Variants in MARF1 observed in about 807,000 individuals in gnomAD.
The protein encoded by MARF1 is meiosis regulator and mRNA stability factor 1, also known as limkain-b1.
Under a neutral mutation model 168.2 loss-of-function variants are expected in MARF1, and 24 were observed. That is an observed-to-expected ratio of 0.14 (90% CI 0.10 to 0.20). The LOEUF is 0.20. MARF1 is among the 10% of genes least tolerant of loss of function. The pLI, the probability that MARF1 is intolerant of heterozygous loss-of-function variation, is 1.00. For synonymous variants in MARF1, 868 were observed against 822.4 expected (o/e 1.06, Z -0.95); for missense variants, 1,744 against 2,143.6 (o/e 0.81, Z 3.68).
chr16:15,601,149 C>A, intron 23 of MARF1: 1 of 456,226 alleles, frequency 2.2e-6, no homozygotes. Context: ...TCCATCTCAG[C>A]CAAGCAGAGT....
intron 7 of MARF1, among the ~76,000 whole-genome samples, chr16:15,629,631 G>A (rs191534940): frequency 7.8e-4 from 119 of 152,256 alleles, no homozygotes; most frequent in Non-Finnish European, 1.5e-4. Flanking sequence ...CCACACCATG[G>A]CTCCTTCTCC....
chr16:15,633,064 T>A (rs1256310232), intron 5 of MARF1, among the ~76,000 whole-genome samples: 1 of 151,868 alleles, frequency 6.6e-6, no homozygotes, highest in African/African-American at 2.4e-5. Flanking sequence ...ATTAAATTAT[T>A]TCTAGTACTT....
At position 15,635,449 on chromosome 16, in the gene MARF1, A is replaced by C. The variant is rs1596503357; in HGVS notation, c.831+207T>G. Reference sequence around the variant, plus strand: ...AGGCTCTAAAAGTATAAACTACAAAAATAATGACTCTCTACTTTTTTGAAT... The same window carrying C: ...AGGCTCTAAAAGTATAAACTACAAACATAATGACTCTCTACTTTTTTGAAT... On this transcript the variant is annotated intron_variant, in intron 3 of 26. Transcript: ENST00000396368. The C allele has an allele frequency of 4.2e-5, 24 of 565,200 alleles. No homozygotes were observed. The East Asian group carries it at 6.9e-4, about 16-fold the overall frequency. The allele number at this position is 565,200 out of a possible 1,614,324, so 35.0% of individuals were successfully genotyped here. A position where few individuals can be genotyped will look rare whatever the true frequency, so the allele number is the denominator to read the frequency against.
chr16:15,633,866 A>T, intron 4 of MARF1, 23 bp from the exon 5 acceptor site: 1 of 1,546,404 alleles, frequency 6.5e-7, no homozygotes, highest in Non-Finnish European at 8.9e-7. Context: ...TAACATTTTC[A>T]ATTACTTGTA....
At chr16:15,604,083 ACT>A in intron 22 of MARF1, 83 bp downstream of exon 22, 1 of 1,056,828 alleles carries the variant, frequency 9.5e-7, no homozygotes, top group East Asian at 2.4e-5. Flanking sequence ...AGCTCTACAC[ACT>A]CTAATCTAGA....
chr16:15,609,466 T>C (rs1345531541), intron 20 of MARF1, 57 bp downstream of exon 20: 2 of 1,430,290 alleles, frequency 1.4e-6, no homozygotes, highest in Admixed American at 3.7e-5. Flanking sequence ...CGTGAAAAAG[T>C]ATTTCCTATA....
intron 23 of MARF1, 63 bp downstream of exon 23, chr16:15,601,928 T>C: frequency 7.4e-7 from 1 of 1,346,014 alleles, no homozygotes; most frequent in Admixed American, 1.7e-5. Context: ...ATTTTTCTGT[T>C]CAGGACAGTT....
chr16:15,609,120 T>A (rs959931810), intron 20 of MARF1, among the ~76,000 whole-genome samples: 1 of 151,986 alleles, frequency 6.6e-6, no homozygotes, highest in African/African-American at 2.4e-5. Flanking sequence ...GCACCTGTAA[T>A]CCCCAGCTAC....
chr16:15,605,668 G>A (rs1054998745), intron 21 of MARF1, among the ~76,000 whole-genome samples: 2 of 152,042 alleles, frequency 1.3e-5, no homozygotes, highest in Admixed American at 6.5e-5. Flanking sequence ...AATTGCCTGG[G>A]GAGCTTTTAA....
At chr16:15,616,169 C>A (rs559001922) in intron 15 of MARF1, among the ~76,000 whole-genome samples, 164 bp from the exon 16 acceptor site, 79 of 152,312 alleles carry the variant, frequency 5.2e-4, no homozygotes, top group Non-Finnish European at 9.4e-4. Context: ...GGGAGGCAAG[C>A]ACTGAGGCAC....
intron 13 of MARF1, among the ~76,000 whole-genome samples, chr16:15,618,237 C>T (rs549213491): frequency 1.3e-5 from 2 of 152,280 alleles, no homozygotes; most frequent in East Asian, 3.9e-4. Context: ...AGTAAGTGTT[C>T]CCTGGTCTTC....
chr16:15,629,074 G>T (rs1480609910), intron 7 of MARF1, among the ~76,000 whole-genome samples: 1 of 145,678 alleles, frequency 6.9e-6, no homozygotes, highest in African/African-American at 2.6e-5. Context: ...TCGCTCTGTC[G>T]ACCAGGCTGG....
At chr16:15,635,301 C>T (rs1259694848) in intron 3 of MARF1, 1 of 388,118 alleles carries the variant, frequency 2.6e-6, no homozygotes, top group Non-Finnish European at 4.6e-6. Flanking sequence ...AGACAACATG[C>T]AGTTATCTAC....
intron 22 of MARF1, 47 bp from the exon 23 acceptor site, chr16:15,602,250 T>G: frequency 4.0e-6 from 6 of 1,502,154 alleles, no homozygotes; most frequent in Non-Finnish European, 5.6e-6. Context: ...TGACTGGCCC[T>G]GCCCCGTGGA....
Position 15,596,183 on chromosome 16 carries a change from C to G in MARF1, c.*510G>C, listed in dbSNP as rs1009448436. ...AAATACACTCCGAACCCCTCGCCTA[C>G]CCTTCTCCTTTGGTGTGTGAACACA... On this transcript the variant is annotated 3_prime_UTR_variant, in exon 27 of 27. Coordinates refer to ENST00000396368, the MANE Select transcript of MARF1 (RefSeq NM_014647.4). 2.0e-5 allele frequency: 3 copies of G among 152,752 alleles called. No homozygotes were observed. Among genetic ancestry groups the G allele is most frequent in the African/African-American group, 7.2e-5 (3 of 41,452 alleles). 9.5% of individuals were successfully genotyped at this position (152,752 alleles called of 1,614,324 possible).
intron 1 of MARF1, chr16:15,642,371 T>C (rs2151355153): frequency 6.6e-6 from 1 of 152,340 alleles, no homozygotes; most frequent in Non-Finnish European, 1.5e-5. Flanking sequence ...CATATTTTAA[T>C]AAATAACTGT....
chr16:15,633,159 A>T (rs2151280144), intron 5 of MARF1, among the ~76,000 whole-genome samples: 1 of 133,622 alleles, frequency 7.5e-6, no homozygotes, highest in Middle Eastern at 4.0e-3. Flanking sequence ...TCAGAATTCT[A>T]AAAAAAAAAA....
In MARF1 at chr16:15,636,002, T is replaced by A. The variant is rs1229140248; in HGVS notation, c.485A>T (p.Asn162Ile). Residue 162 changes from asparagine to isoleucine, a missense_variant, in exon 3 of 27, where the codon AAT becomes ATT. Transcript: ENST00000396368. The stretch of plus-strand genomic sequence containing the variant: ...TGCCAAATTGTTCCTAGCTGAGGCA[T>A]TCTGGAGTGAAGATGCAGACTGGAA... ...FAFQSASSLQ[N>I]ASARNNLAGI... 6.2e-7 allele frequency: 1 copy of A among 1,614,060 alleles called. No individual in the cohort carries two copies. The highest frequency in any genetic ancestry group is 8.5e-7 in the Non-Finnish European group (1 of 1,180,032).
intron 21 of MARF1, among the ~76,000 whole-genome samples, chr16:15,605,238 T>C (rs913886398): frequency 6.6e-6 from 1 of 152,162 alleles, no homozygotes; most frequent in African/African-American, 2.4e-5. Flanking sequence ...TCCTGACAGC[T>C]TGTTTGCCCC....
Sources: gnomAD v4.1 joint callset for allele counts (sites outside exome capture counted in the v4.1 genomes callset) on GRCh38, gnomAD v4.1.1 for gene constraint, MANE v1.5 for transcripts, NCBI Gene and HGNC (gene_info 2026-07-23, HGNC 2026-07-21) for gene names.